The following RFFL variants were observed in gnomAD, a reference collection of about 807,000 sequenced individuals.
The protein encoded by RFFL is E3 ubiquitin-protein ligase rififylin.
In RFFL, 16 loss-of-function variants were observed where a neutral mutation model predicts 40.4. The ratio of observed to expected loss-of-function variants is 0.40; its 90% CI spans 0.27 to 0.60. The LOEUF is 0.60. RFFL is among the 20% of genes least tolerant of loss of function. RFFL has a pLI of 0.47. For synonymous variants in RFFL, 154 were observed against 167.9 expected (o/e 0.92, Z 0.64); for missense variants, 367 against 451.7 (o/e 0.81, Z 1.70).
chr17:35,049,161 A>G (rs543964480), intron 1 of RFFL, among the ~76,000 whole-genome samples: 1 of 152,360 alleles, frequency 6.6e-6, no homozygotes, highest in African/African-American at 2.4e-5. Context: ...CTGATAGCAG[A>G]AAGGCATGTT....
In RFFL at chr17:35,010,671, G is replaced by C. The variant is rs560872264; in HGVS notation, c.*1297C>G. On this transcript the variant is annotated 3_prime_UTR_variant, in exon 7 of 7. Coordinates refer to ENST00000394597, the MANE Select transcript of RFFL (RefSeq NM_001017368.2). ...GGAGGCTAAGGCAGGAGAATAGCTTGAACCTGGGAGGTGGAGGTTGCAGTA... is the reference window on the plus strand; with the variant it reads ...GGAGGCTAAGGCAGGAGAATAGCTTCAACCTGGGAGGTGGAGGTTGCAGTA... 3 of 151,160 alleles carry C rather than the reference G, an allele frequency of 2.0e-5. No individual in the cohort carries two copies. In the East Asian group the frequency reaches 5.8e-4, roughly 29 times the overall value. 9.4% of individuals were successfully genotyped at this position (151,160 alleles called of 1,614,324 possible).
rs192396069 is a variant in RFFL at position 35,032,230 on chromosome 17, C to A, written c.-8-5669G>T. Among the ~76,000 whole-genome samples the A allele has an allele frequency of 8.7e-4, 133 of 152,048 alleles. 1 individual carries two copies. The highest frequency in any genetic ancestry group is 3.1e-3 in the African/African-American group (128 of 41,392). On this transcript the variant is annotated intron_variant, in intron 1 of 6. Coordinates refer to ENST00000394597, the MANE Select transcript of RFFL (RefSeq NM_001017368.2). Reference sequence around the variant, plus strand: ...TTTATTCCCTGGTAAGGAACCTGGACTGGATCCTATACGTAATGGGACACG... The same window carrying A: ...TTTATTCCCTGGTAAGGAACCTGGAATGGATCCTATACGTAATGGGACACG...
chr17:35,056,127 G>C (rs113722883), intron 1 of RFFL, among the ~76,000 whole-genome samples: 1,543 of 152,074 alleles, frequency 0.01, 25 homozygotes, highest in African/African-American at 0.035. Context: ...CAGGTCTTGG[G>C]TATTGACTTG....
At chr17:35,061,415 G>A (rs1273645333) in intron 1 of RFFL, among the ~76,000 whole-genome samples, 1 of 152,190 alleles carries the variant, frequency 6.6e-6, no homozygotes, top group East Asian at 1.9e-4. Flanking sequence ...CCTTCTCTCT[G>A]ATGGTGCCTA....
intron 1 of RFFL, among the ~76,000 whole-genome samples, chr17:35,029,806 G>A (rs1307063147): frequency 6.6e-6 from 1 of 150,492 alleles, no homozygotes; most frequent in East Asian, 1.9e-4. Context: ...TCGTTATTTA[G>A]CATTAGGTAT....
intron 1 of RFFL, among the ~76,000 whole-genome samples, chr17:35,056,549 G>A (rs2091262723): frequency 6.6e-6 from 1 of 151,686 alleles, no homozygotes; most frequent in African/African-American, 2.4e-5. Flanking sequence ...GGCTAATTTT[G>A]TATTTTTAGT....
At chr17:35,044,733 G>A (rs2091187387) in intron 1 of RFFL, among the ~76,000 whole-genome samples, 2 of 152,104 alleles carry the variant, frequency 1.3e-5, no homozygotes. Context: ...CAAACACCAA[G>A]GTTATTTTGG....
chr17:35,036,935 C>G (rs2091127254), intron 1 of RFFL, among the ~76,000 whole-genome samples: 1 of 152,140 alleles, frequency 6.6e-6, no homozygotes, highest in South Asian at 2.1e-4. Context: ...TGCTGGTTTG[C>G]AATGTAACTC....
At chr17:35,070,260 AC>A (rs1304276003) in intron 1 of RFFL, among the ~76,000 whole-genome samples, 2 of 152,026 alleles carry the variant, frequency 1.3e-5, no homozygotes, top group Non-Finnish European at 2.9e-5. Flanking sequence ...AGCCTTGACC[AC>A]CCTGGCTCAA....
At chr17:35,078,209 T>C (rs2091386518) in intron 1 of RFFL, among the ~76,000 whole-genome samples, 1 of 152,154 alleles carries the variant, frequency 6.6e-6, no homozygotes, top group Non-Finnish European at 1.5e-5. Context: ...ATTTAAGATC[T>C]ATTGCAGTAA....
intron 1 of RFFL, among the ~76,000 whole-genome samples, chr17:35,049,430 G>A (rs865911707): frequency 2.0e-5 from 3 of 152,108 alleles, no homozygotes; most frequent in Non-Finnish European, 2.9e-5. Flanking sequence ...GAGATGACTC[G>A]AGCAGATGGT....
intron 3 of RFFL, chr17:35,018,605 C>T (rs1298196960): frequency 1.3e-5 from 2 of 152,210 alleles, no homozygotes; most frequent in African/African-American, 2.4e-5. Context: ...AAACCAAAGA[C>T]ACCCACCGAC....
At position 35,023,163 on chromosome 17, in the gene RFFL, A is replaced by G. The variant is rs141695820; in HGVS notation, c.181-1382T>C. Among the ~76,000 whole-genome samples the G allele has an allele frequency of 4.7e-3, 715 of 152,376 alleles. 5 individuals carry two copies. Among genetic ancestry groups the G allele is most frequent in the African/African-American group, 0.016 (679 of 41,588 alleles). ...AAACTTTTCATCCTGTGTTGACTTA[A>G]GTAGTAACTTAAATATTTCTGGTCC... is the stretch of plus-strand genomic sequence containing the variant. On this transcript the variant is annotated intron_variant, in intron 2 of 6. Coordinates refer to ENST00000394597, the MANE Select transcript of RFFL (RefSeq NM_001017368.2).
At chr17:35,025,265 G>T (rs1473515415) in intron 2 of RFFL, 1 of 152,144 alleles carries the variant, frequency 6.6e-6, no homozygotes, top group African/African-American at 2.4e-5. Context: ...ATGTCTTCTG[G>T]GAGGGGCTTT....
At chr17:35,020,909 G>A (rs749327959) in intron 3 of RFFL, among the ~76,000 whole-genome samples, 4 of 152,130 alleles carry the variant, frequency 2.6e-5, no homozygotes, top group Non-Finnish European at 5.9e-5. Flanking sequence ...CAGTGTCTTT[G>A]TCTGTTTCCC....
intron 2 of RFFL, chr17:35,025,382 T>A (rs527849530): frequency 2.0e-5 from 3 of 152,248 alleles, no homozygotes; most frequent in Non-Finnish European, 1.5e-5. Context: ...ATATCTCTCA[T>A]GCTATTTGTC....
At chr17:35,059,501 C>T (rs1378795160) in intron 1 of RFFL, among the ~76,000 whole-genome samples, 2 of 152,150 alleles carry the variant, frequency 1.3e-5, no homozygotes, top group Non-Finnish European at 2.9e-5. Context: ...TACTAACCCA[C>T]AAAATCATAG....
chr17:35,087,927 T>C (rs2142392590), intron 1 of RFFL, among the ~76,000 whole-genome samples: 1 of 152,336 alleles, frequency 6.6e-6, no homozygotes, highest in South Asian at 2.1e-4. Flanking sequence ...ACGGCTAGGC[T>C]GCAGCCCTAG....
chr17:35,074,469 C>T (rs2091366503), intron 1 of RFFL: 1 of 152,098 alleles, frequency 6.6e-6, no homozygotes, highest in African/African-American at 2.4e-5. Context: ...TTTGTAAAGA[C>T]TTATTCAAAA....
Sources: gnomAD v4.1 joint callset for allele counts (sites outside exome capture counted in the v4.1 genomes callset) on GRCh38, gnomAD v4.1.1 for gene constraint, MANE v1.5 for transcripts, NCBI Gene and HGNC (gene_info 2026-07-23, HGNC 2026-07-21) for gene names.